Variants in NLGN4Y observed in about 807,000 individuals in gnomAD.
The protein encoded by NLGN4Y is neuroligin-4, Y-linked.
Under a neutral mutation model 8.4 loss-of-function variants are expected in NLGN4Y, and 4 were observed. The ratio of observed to expected loss-of-function variants is 0.48; its 90% CI spans 0.23 to 1.09. The LOEUF (loss-of-function observed/expected upper bound fraction) is 1.09, where lower values mean the gene tolerates loss of function less well. NLGN4Y is among the 50% of genes least tolerant of loss of function. NLGN4Y has a pLI of 0.19. For missense variants in NLGN4Y, 90 were observed against 192.3 expected (o/e 0.47, Z 3.15); for synonymous variants, 35 against 75.6 (o/e 0.46, Z 2.78).
chrY:14,646,020 C>T lies in NLGN4Y; in HGVS notation c.472+23429C>T, dbSNP rs372168049. On this transcript the variant is annotated intron_variant, in intron 2 of 6. Coordinates refer to ENST00000684976, the MANE Select transcript of NLGN4Y (RefSeq NM_001365588.1). ...TTGGTGATGAGGATGCTGAAGGTTACGGTGATGATGACCAGATGACGATGG... is the reference window on the plus strand; with the variant it reads ...TTGGTGATGAGGATGCTGAAGGTTATGGTGATGATGACCAGATGACGATGG... Among the ~76,000 whole-genome samples the T allele has an allele frequency of 4.6e-3, 148 of 32,474 alleles. No individual in the cohort carries two copies. In the East Asian group the frequency reaches 0.068, roughly 15 times the overall value. The allele number at this position is 32,474 out of a possible 37,273, so 87.1% of individuals were successfully genotyped here.
At chrY:14,547,390 G>A in intron 1 of NLGN4Y, among the ~76,000 whole-genome samples, 1 of 33,878 alleles carries the variant, frequency 3.0e-5, no homozygotes, top group Non-Finnish European at 7.3e-5. Flanking sequence ...ACACCTTGTC[G>A]CTTTTGCACT....
chrY:14,733,546 G>A, intron 4 of NLGN4Y: 1 of 240,035 alleles, frequency 4.2e-6, no homozygotes, highest in Admixed American at 1.1e-4. Context: ...GAGTTCAGAT[G>A]CAATCTATTA....
At chrY:14,833,557 G>A in intron 6 of NLGN4Y, among the ~76,000 whole-genome samples, 1 of 33,888 alleles carries the variant, frequency 3.0e-5, no homozygotes, top group Non-Finnish European at 7.3e-5. Flanking sequence ...CAGTCCCTCC[G>A]TTTGGTGTCC....
At chrY:14,718,500 C>G in intron 2 of NLGN4Y, among the ~76,000 whole-genome samples, 2 of 33,120 alleles carry the variant, frequency 6.0e-5, no homozygotes, top group Non-Finnish European at 1.5e-4. Flanking sequence ...TTAAGTAATT[C>G]AAGCAAAATT....
chrY:14,589,168 C>T (rs2080353401), intron 1 of NLGN4Y, among the ~76,000 whole-genome samples: 1 of 32,879 alleles, frequency 3.0e-5, no homozygotes, highest in African/African-American at 1.2e-4. Flanking sequence ...AATTGTAGAG[C>T]CGAGTGGCCT....
At chrY:14,786,122 C>T (rs2042966698) in intron 4 of NLGN4Y, among the ~76,000 whole-genome samples, 1 of 33,269 alleles carries the variant, frequency 3.0e-5, no homozygotes, top group Admixed American at 2.7e-4. Context: ...AGGCCAGAGG[C>T]CAGAGATACT....
intron 1 of NLGN4Y, among the ~76,000 whole-genome samples, chrY:14,606,939 T>G (rs2080448917): frequency 5.5e-4 from 18 of 32,818 alleles, no homozygotes; most frequent in Non-Finnish European, 7.5e-5. Context: ...TGGCATCCCC[T>G]TTTTATCTTA....
intron 2 of NLGN4Y, among the ~76,000 whole-genome samples, chrY:14,629,184 C>T (rs995419996): frequency 3.0e-5 from 1 of 33,381 alleles, no homozygotes. Context: ...GGCAGATGAA[C>T]GACAGGGAAA....
chrY:14,618,180 A>G (rs2080497506), intron 1 of NLGN4Y, among the ~76,000 whole-genome samples: 2 of 30,732 alleles, frequency 6.5e-5, no homozygotes, highest in East Asian at 1.7e-3. Flanking sequence ...ATGATCGCCC[A>G]GTTTCGTGCT....
chrY:14,597,898 C>T (rs749452984), intron 1 of NLGN4Y, among the ~76,000 whole-genome samples: 27 of 24,875 alleles, frequency 1.1e-3, no homozygotes, highest in African/African-American at 4.2e-3. Context: ...TACAGAGTTT[C>T]GATTGGTGCA....
intron 2 of NLGN4Y, among the ~76,000 whole-genome samples, chrY:14,656,621 CA>C (rs780546798): frequency 1.3e-3 from 22 of 16,521 alleles, no homozygotes; most frequent in African/African-American, 3.6e-3. Flanking sequence ...ACAACAACAA[CA>C]AAAAAAAAAA....
chrY:14,766,507 T>C, intron 4 of NLGN4Y, among the ~76,000 whole-genome samples: 1 of 33,529 alleles, frequency 3.0e-5, no homozygotes, highest in Non-Finnish European at 7.4e-5. Flanking sequence ...TTGGATCATA[T>C]GGCAAACTGG....
intron 4 of NLGN4Y, among the ~76,000 whole-genome samples, chrY:14,735,786 G>A (rs2080989866): frequency 2.7e-4 from 9 of 33,554 alleles, no homozygotes. Flanking sequence ...GGACCATGAA[G>A]TCCAAGCTAA....
chrY:14,589,861 C>T, intron 1 of NLGN4Y, among the ~76,000 whole-genome samples: 2 of 34,313 alleles, frequency 5.8e-5, no homozygotes, highest in African/African-American at 1.1e-4. Context: ...AGGCTCGGGC[C>T]GCACAGGAGC....
intron 1 of NLGN4Y, among the ~76,000 whole-genome samples, chrY:14,604,052 A>G: frequency 6.1e-5 from 2 of 32,966 alleles, no homozygotes; most frequent in African/African-American, 2.4e-4. Flanking sequence ...TTGTAAACCC[A>G]AAGTGATGGT....
chrY:14,546,719 C>CAT (rs2080173748), intron 1 of NLGN4Y, among the ~76,000 whole-genome samples: 1 of 32,957 alleles, frequency 3.0e-5, no homozygotes, highest in South Asian at 7.0e-4. Context: ...ATGTCATCTG[C>CAT]AAACAGGAAC....
At chrY:14,591,577 T>C (rs2080371905) in intron 1 of NLGN4Y, among the ~76,000 whole-genome samples, 1 of 32,295 alleles carries the variant, frequency 3.1e-5, no homozygotes, top group Non-Finnish European at 7.6e-5. Context: ...GGTGATGATT[T>C]TGGGGGGCAC....
chrY:14,678,649 C>A, intron 2 of NLGN4Y, among the ~76,000 whole-genome samples: 2 of 32,758 alleles, frequency 6.1e-5, no homozygotes, highest in African/African-American at 2.4e-4. Flanking sequence ...TTGCCCACGA[C>A]CCTTTCCAAA....
At chrY:14,573,864 C>T in intron 1 of NLGN4Y, among the ~76,000 whole-genome samples, 6 of 33,467 alleles carry the variant, frequency 1.8e-4, no homozygotes, top group Non-Finnish European at 3.7e-4. Context: ...ACCCAGTAGC[C>T]ATTCAGGGGC....
Sources: gnomAD v4.1 joint callset for allele counts (sites outside exome capture counted in the v4.1 genomes callset) on GRCh38, gnomAD v4.1.1 for gene constraint, MANE v1.5 for transcripts, NCBI Gene and HGNC (gene_info 2026-07-23, HGNC 2026-07-21) for gene names.